UGT1A8: variants seen among roughly 807,000 people sequenced by gnomAD.
UGT1A8 encodes the protein UDP-glucuronosyltransferase 1A8.
UGT1A8 carries 39 observed loss-of-function variants against 45.3 expected under a neutral mutation model. The ratio of observed to expected loss-of-function variants is 0.86; its 90% CI spans 0.67 to 1.12. The LOEUF is 1.12. Among genes scored for constraint, UGT1A8 ranks in the 50% most tolerant of loss-of-function variants. The pLI is 0.00. For missense variants in UGT1A8, 719 were observed against 664.9 expected, an observed-to-expected ratio of 1.08 and a Z score of -0.90; for synonymous variants, 275 against 249.2, an observed-to-expected ratio of 1.10 and a Z score of -0.97.
chr2:233,769,864 A>C lies in UGT1A8; in HGVS notation c.1295+1425A>C, dbSNP rs2126048970. On this transcript the variant is annotated intron_variant, in intron 4 of 4. Transcript: ENST00000373450. The surrounding 1 kb of genome is among the most constrained non-coding windows in gnomAD (Gnocchi z 4.4). ...CAGAGTGAGACCCTGTCTCAAAAAA[A>C]AAAAAAAAAATGAAAAGTCCACATA... 6.3e-6 allele frequency: 3 copies of C among 472,760 alleles called. No homozygotes were observed. The highest frequency in any genetic ancestry group is 3.9e-5 in the South Asian group (1 of 25,612). The allele number at this position is 472,760 out of a possible 1,614,324, so 29.3% of individuals were successfully genotyped here. A position where few individuals can be genotyped will look rare whatever the true frequency, so the allele number is the denominator to read the frequency against.
chr2:233,721,810 C>A (rs559553943), intron 1 of UGT1A8: 84 of 514,692 alleles, frequency 1.6e-4, no homozygotes, highest in Non-Finnish European at 3.0e-4. Flanking sequence ...CAGCAAAAAT[C>A]CAGCACCCTA....
At chr2:233,656,909 C>T (rs1004474150) in intron 1 of UGT1A8, among the ~76,000 whole-genome samples, 1 of 151,874 alleles carries the variant, frequency 6.6e-6, no homozygotes, top group African/African-American at 2.4e-5. Flanking sequence ...GTGGCATCTC[C>T]CTTAGTTAAA....
At chr2:233,733,869 C>T (rs975516121) in intron 1 of UGT1A8, among the ~76,000 whole-genome samples, 2 of 151,714 alleles carry the variant, frequency 1.3e-5, no homozygotes, top group Non-Finnish European at 2.9e-5. Context: ...GGAATAGTTT[C>T]AGAAGGAATG....
At chr2:233,647,189 C>T (rs1358389041) in intron 1 of UGT1A8, among the ~76,000 whole-genome samples, 3 of 152,188 alleles carry the variant, frequency 2.0e-5, no homozygotes, top group Non-Finnish European at 4.4e-5. Flanking sequence ...CAATTATCTC[C>T]CTCCAGGTTC....
intron 1 of UGT1A8, chr2:233,729,619 C>A: frequency 6.2e-7 from 1 of 1,613,978 alleles, no homozygotes; most frequent in Non-Finnish European, 8.5e-7. Context: ...GGCTAAGTAC[C>A]TGTCGATTCC....
intron 1 of UGT1A8, among the ~76,000 whole-genome samples, chr2:233,668,781 T>C (rs1438573639): frequency 1.3e-5 from 2 of 152,248 alleles, no homozygotes; most frequent in Admixed American, 6.5e-5. Context: ...GTCTATGTTT[T>C]CTTTAGATGT....
chr2:233,653,131 T>C (rs112677498), intron 1 of UGT1A8, among the ~76,000 whole-genome samples: 1 of 152,310 alleles, frequency 6.6e-6, no homozygotes, highest in East Asian at 1.9e-4. Flanking sequence ...AAATCCTGAA[T>C]GTTAAGAGCC....
At chr2:233,743,665 C>A (rs1373066127) in intron 1 of UGT1A8, 1 of 1,367,124 alleles carries the variant, frequency 7.3e-7, no homozygotes, top group Non-Finnish European at 9.8e-7. Flanking sequence ...CGAAGGGGTC[C>A]TCGAAGGGCC....
At chr2:233,757,062 G>T (rs1469367274) in intron 1 of UGT1A8, among the ~76,000 whole-genome samples, 1 of 151,518 alleles carries the variant, frequency 6.6e-6, no homozygotes, top group African/African-American at 2.4e-5. Flanking sequence ...GAACAGCAAG[G>T]GATCCAGAAT....
intron 1 of UGT1A8, among the ~76,000 whole-genome samples, chr2:233,633,946 A>C (rs928224507): frequency 1.2e-4 from 19 of 152,172 alleles, no homozygotes; most frequent in African/African-American, 4.6e-4. Context: ...GTGGGCATTT[A>C]GTGCTATAAA....
At chr2:233,729,075 G>A (rs2077785195) in intron 1 of UGT1A8, 2 of 1,611,914 alleles carry the variant, frequency 1.2e-6, no homozygotes, top group East Asian at 2.2e-5. Flanking sequence ...GAAAGCAAAT[G>A]TAGCAGGCAC....
intron 1 of UGT1A8, among the ~76,000 whole-genome samples, chr2:233,744,685 T>C (rs1692890031): frequency 6.6e-6 from 1 of 151,898 alleles, no homozygotes; most frequent in Non-Finnish European, 1.5e-5. Flanking sequence ...CCCATGTAGC[T>C]TCTGGAAAAC....
rs557278496 is a variant in UGT1A8, at chr2:233,723,289, A to T, written c.856-43745A>T. On this transcript the variant is annotated intron_variant, in intron 1 of 4. Coordinates refer to ENST00000373450, the MANE Select transcript of UGT1A8 (RefSeq NM_019076.5). ...CAATGGCACGATGTTGGCTCACTGC[A>T]ACCTCTGCCTCCCAGGTTCAAGCAA... 6.7e-4 allele frequency among the ~76,000 whole-genome samples: 77 copies of T among 114,264 alleles called. 5 individuals carry two copies. The highest frequency in any genetic ancestry group is 9.8e-4 in the Non-Finnish European group (58 of 58,990). The allele number at this position is 114,264 out of a possible 152,430, so 75.0% of individuals were successfully genotyped here.
chr2:233,651,837 A>G (rs1333533096), intron 1 of UGT1A8, among the ~76,000 whole-genome samples: 1 of 152,238 alleles, frequency 6.6e-6, no homozygotes, highest in African/African-American at 2.4e-5. Flanking sequence ...GTCAGCATGC[A>G]GTGTCTCAGA....
chr2:233,764,590 G>A (rs1263378964), intron 1 of UGT1A8, among the ~76,000 whole-genome samples: 1 of 152,150 alleles, frequency 6.6e-6, no homozygotes, highest in Non-Finnish European at 1.5e-5. Context: ...GCCTTTTCCA[G>A]ATGAGCTTCA....
In UGT1A8 at chr2:233,682,200, G is replaced by A. The variant is rs2074562710; in HGVS notation, c.855+63638G>A. 2.5e-6 allele frequency: 4 copies of A among 1,614,060 alleles called. No individual in the cohort carries two copies. In the African/African-American group the frequency reaches 4.0e-5, roughly 16 times the overall value. Reference sequence around the variant, plus strand: ...TCATACACTCTGGAGGATCAGGACCGGGAGTTCATGGTTTTTGCCGATGCT... The same window carrying A: ...TCATACACTCTGGAGGATCAGGACCAGGAGTTCATGGTTTTTGCCGATGCT... On this transcript the variant is annotated intron_variant, in intron 1 of 4. Transcript: ENST00000373450.
Position 233,760,901 on chromosome 2 carries a change from C to T in UGT1A8, c.856-6133C>T, listed in dbSNP as rs766170365. The T allele has an allele frequency of 1.9e-6, 3 of 1,614,178 alleles. No homozygotes were observed. The highest frequency in any genetic ancestry group is 2.2e-5 in the East Asian group (1 of 44,884). On this transcript the variant is annotated intron_variant, in intron 1 of 4. Coordinates refer to ENST00000373450, the MANE Select transcript of UGT1A8 (RefSeq NM_019076.5). ...CTCTCCTCTCATTCAGATCACATGA[C>T]CTTCCTGCAGCGGGTGAAGAACATG... is the stretch of plus-strand genomic sequence containing the variant.
chr2:233,698,637 A>G (rs539237252), intron 1 of UGT1A8, among the ~76,000 whole-genome samples: 1 of 152,378 alleles, frequency 6.6e-6, no homozygotes, highest in Admixed American at 6.5e-5. Flanking sequence ...CTAACAGGTT[A>G]GTAAGCATGC....
At chr2:233,672,490 C>A in intron 1 of UGT1A8, 3 of 1,613,940 alleles carry the variant, frequency 1.9e-6, no homozygotes, top group Non-Finnish European at 2.5e-6. Context: ...GTGCCCTGCT[C>A]CTCTTTCCTA....
Sources: gnomAD v4.1 joint callset for allele counts (sites outside exome capture counted in the v4.1 genomes callset) on GRCh38, gnomAD v4.1.1 for gene constraint, Gnocchi (gnomAD v3.1) non-coding constraint, MANE v1.5 for transcripts, NCBI Gene and HGNC (gene_info 2026-07-23, HGNC 2026-07-21) for gene names.